The following CRIM1 variants were observed in gnomAD, a reference collection of about 807,000 sequenced individuals.
CRIM1 encodes cysteine-rich motor neuron 1 protein.
CRIM1 carries 32 observed loss-of-function variants against 116.4 expected under a neutral mutation model. That is an observed-to-expected ratio of 0.27 (90% confidence interval 0.21 to 0.37). The LOEUF is 0.37. CRIM1 is among the 10% of genes least tolerant of loss of function. The probability of loss-of-function intolerance (pLI) is 1.00; values close to 1 mark genes in which losing one functional copy is unlikely to be tolerated. For missense variants in CRIM1, 1,331 were observed against 1,354.8 expected (o/e 0.98, Z 0.28); for synonymous variants, 590 against 509.2 (o/e 1.16, Z -2.13).
chr2:36,503,043 T>TA, intron 8 of CRIM1, among the ~76,000 whole-genome samples: 1 of 152,362 alleles, frequency 6.6e-6, no homozygotes, highest in East Asian at 1.9e-4. Flanking sequence ...AGTCTAGACA[T>TA]ACAGCATTCT....
At chr2:36,457,449 G>A (rs1002727362) in intron 4 of CRIM1, among the ~76,000 whole-genome samples, 1 of 152,340 alleles carries the variant, frequency 6.6e-6, no homozygotes, top group Middle Eastern at 3.4e-3. Context: ...ACACAGGGGA[G>A]GGATGGCTGC....
chr2:36,499,159 A>G (rs941946480), intron 7 of CRIM1, 60 bp from the exon 8 acceptor site: 47 of 1,338,380 alleles, frequency 3.5e-5, no homozygotes, highest in Non-Finnish European at 4.9e-5. Flanking sequence ...CAAAAATTGA[A>G]TAGCATCTAA....
intron 5 of CRIM1, among the ~76,000 whole-genome samples, chr2:36,474,490 G>A (rs940661910): frequency 6.6e-6 from 1 of 152,078 alleles, no homozygotes; most frequent in African/African-American, 2.4e-5. Flanking sequence ...TTCATTTTGA[G>A]TTAATTTTTG....
chr2:36,440,053 A>T (rs1371502648), intron 2 of CRIM1, among the ~76,000 whole-genome samples: 2 of 152,198 alleles, frequency 1.3e-5, no homozygotes, highest in African/African-American at 2.4e-5. Context: ...TACAGCAATC[A>T]AGGTAGAAAA....
chr2:36,356,043 G>C lies in CRIM1; in HGVS notation c.-250G>C, dbSNP rs1387727728. ...TTTCTTTTTTCCCCCTCCCTCCCGG[G>C]AGGAGGAGGAGGAGGAGGAGGGGAA... On this transcript the variant is annotated 5_prime_UTR_variant, in exon 1 of 17. Transcript: ENST00000280527. This position sits in a 1 kb window ranked among gnomAD's most constrained non-coding sequence, Gnocchi z 4.3. 8.1e-5 allele frequency: 12 copies of C among 148,212 alleles called. No individual in the cohort carries two copies. The highest frequency in any genetic ancestry group is 8.1e-4 in the Admixed American group (12 of 14,904). 9.2% of individuals were successfully genotyped at this position (148,212 alleles called of 1,614,324 possible). A position where few individuals can be genotyped will look rare whatever the true frequency, so the allele number is the denominator to read the frequency against.
At chr2:36,545,103 G>A (rs933861708) in intron 15 of CRIM1, among the ~76,000 whole-genome samples, 3 of 152,142 alleles carry the variant, frequency 2.0e-5, no homozygotes, top group African/African-American at 7.2e-5. Context: ...TTCTTGATCA[G>A]TAGTATAAAC....
intron 1 of CRIM1, chr2:36,369,098 T>A (rs918293759): frequency 2.6e-5 from 4 of 152,236 alleles, no homozygotes; most frequent in African/African-American, 7.2e-5. Flanking sequence ...TTTATTTGCT[T>A]TTCTTCCAGG....
At chr2:36,414,271 C>T (rs541756324) in intron 2 of CRIM1, among the ~76,000 whole-genome samples, 3 of 152,190 alleles carry the variant, frequency 2.0e-5, no homozygotes, top group Non-Finnish European at 2.9e-5. Context: ...ATGCAGCTCT[C>T]AAAAGCAGCC....
At chr2:36,468,546 A>G (rs1572805729) in intron 5 of CRIM1, among the ~76,000 whole-genome samples, 1 of 152,184 alleles carries the variant, frequency 6.6e-6, no homozygotes, top group East Asian at 1.9e-4. Flanking sequence ...TGGTATGATT[A>G]TGTTTCTTTT....
intron 8 of CRIM1, among the ~76,000 whole-genome samples, chr2:36,503,026 A>G (rs772123819): frequency 2.0e-5 from 3 of 152,222 alleles, no homozygotes; most frequent in African/African-American, 7.2e-5. Flanking sequence ...AGGTTGTCCT[A>G]TACAGAAGTC....
chr2:36,479,917 C>T (rs182072395), intron 7 of CRIM1, among the ~76,000 whole-genome samples: 2 of 152,290 alleles, frequency 1.3e-5, no homozygotes, highest in African/African-American at 4.8e-5. Flanking sequence ...TGCAAATATG[C>T]GCGTCTGAAT....
chr2:36,508,383 T>G (rs1283459687), intron 8 of CRIM1, among the ~76,000 whole-genome samples: 1 of 152,230 alleles, frequency 6.6e-6, no homozygotes, highest in Non-Finnish European at 1.5e-5. Flanking sequence ...ATTTCACCTA[T>G]TCATTGTAGT....
chr2:36,418,237 C>T (rs1391612852), intron 2 of CRIM1, among the ~76,000 whole-genome samples: 1 of 152,184 alleles, frequency 6.6e-6, no homozygotes, highest in Non-Finnish European at 1.5e-5. Context: ...TGCAGGAGTG[C>T]AAGGCCCCAG....
At chr2:36,515,770 C>T (rs766110264) in intron 11 of CRIM1, among the ~76,000 whole-genome samples, 7 of 152,248 alleles carry the variant, frequency 4.6e-5, no homozygotes, top group Admixed American at 6.5e-5. Flanking sequence ...CAAACACGCA[C>T]GTCAGATTTC....
In CRIM1 at chr2:36,355,856, G is replaced by A. The variant is rs984362087; in HGVS notation, c.-437G>A. On this transcript the variant is annotated 5_prime_UTR_variant, in exon 1 of 17. Coordinates refer to ENST00000280527, the MANE Select transcript of CRIM1 (RefSeq NM_016441.3). ...CCACCGCGCCCACTCGGCAGCTCGGGAGGCGGGGACCGGCCCGGAGGCTGC... is the reference window on the plus strand; with the variant it reads ...CCACCGCGCCCACTCGGCAGCTCGGAAGGCGGGGACCGGCCCGGAGGCTGC... 1 of 151,784 alleles carries A rather than the reference G, an allele frequency of 6.6e-6. No individual in the cohort carries two copies. The highest frequency in any genetic ancestry group is 2.4e-5 in the African/African-American group (1 of 41,362). 9.4% of individuals were successfully genotyped at this position (151,784 alleles called of 1,614,324 possible).
At chr2:36,419,365 T>C (rs1004818860) in intron 2 of CRIM1, among the ~76,000 whole-genome samples, 11 of 152,242 alleles carry the variant, frequency 7.2e-5, no homozygotes, top group Admixed American at 2.6e-4. Context: ...CATGGTTCAG[T>C]AAAAACTACA....
intron 13 of CRIM1, among the ~76,000 whole-genome samples, chr2:36,535,199 GGGAA>G (rs370299363): frequency 1.2e-4 from 17 of 147,568 alleles, no homozygotes; most frequent in Admixed American, 1.3e-4. Flanking sequence ...GTAAAAAGGA[GGGAA>G]GGAAGGATGG....
At chr2:36,392,051 A>G (rs1671654477) in intron 1 of CRIM1, among the ~76,000 whole-genome samples, 2 of 152,236 alleles carry the variant, frequency 1.3e-5, no homozygotes, top group Admixed American at 1.3e-4. Flanking sequence ...GAAATGGGAA[A>G]TACACATAAA....
intron 1 of CRIM1, among the ~76,000 whole-genome samples, chr2:36,392,313 A>T (rs1478533982): frequency 6.6e-6 from 1 of 152,250 alleles, no homozygotes; most frequent in Non-Finnish European, 1.5e-5. Context: ...TGCAGAAATT[A>T]TAAACTTAAA....
Sources: gnomAD v4.1 joint callset for allele counts (sites outside exome capture counted in the v4.1 genomes callset) on GRCh38, gnomAD v4.1.1 for gene constraint, Gnocchi (gnomAD v3.1) non-coding constraint, MANE v1.5 for transcripts, NCBI Gene and HGNC (gene_info 2026-07-23, HGNC 2026-07-21) for gene names.